The following ALG13 variants were observed in gnomAD, a reference collection of about 807,000 sequenced individuals.
The protein encoded by ALG13 is UDP-N-acetylglucosamine transferase subunit ALG13.
In ALG13, 11 loss-of-function variants were observed where a neutral mutation model predicts 87.8. That is an observed-to-expected ratio of 0.13 (90% CI 0.08 to 0.21). The LOEUF is 0.21. ALG13 is among the 10% of genes least tolerant of loss of function. The pLI is 1.00. For synonymous variants in ALG13, 320 were observed against 306.3 expected (o/e 1.04, Z -0.47); for missense variants, 756 against 866.1 (o/e 0.87, Z 1.60).
chrX:111,758,031 A>T (rs1156482306), intron 26 of ALG13, among the ~76,000 whole-genome samples: 1 of 111,371 alleles, frequency 9.0e-6, no homozygotes, highest in East Asian at 2.8e-4. Flanking sequence ...AAAACTGCTG[A>T]CACCTAAGCA....
chrX:111,729,818 A>G (rs751371098), intron 19 of ALG13, among the ~76,000 whole-genome samples: 56 of 112,212 alleles, frequency 5.0e-4, no homozygotes, highest in Non-Finnish European at 9.6e-4. Flanking sequence ...AAACAGATTG[A>G]AAAACAGATG....
chrX:111,694,253 G>A (rs1442059312), intron 3 of ALG13, among the ~76,000 whole-genome samples: 1 of 109,915 alleles, frequency 9.1e-6, no homozygotes, highest in Non-Finnish European at 1.9e-5. Context: ...CACCATGTTA[G>A]CCAGGATGGT....
At chrX:111,730,635 G>A (rs1319504773) in intron 21 of ALG13, 55 bp downstream of exon 21, 1 of 906,073 alleles carries the variant, frequency 1.1e-6, no homozygotes. Flanking sequence ...CTAGGGCACT[G>A]TTAAGAGCTA....
intron 19 of ALG13, 40 bp from the exon 20 acceptor site, chrX:111,730,355 T>C: frequency 8.4e-7 from 1 of 1,184,285 alleles, no homozygotes. Context: ...TAAAAAGACC[T>C]ATATAAACAC....
chrX:111,701,028 A>G (rs894440465), intron 3 of ALG13, among the ~76,000 whole-genome samples: 1 of 111,158 alleles, frequency 9.0e-6, no homozygotes, highest in Admixed American at 9.6e-5. Flanking sequence ...TGATTTGTGT[A>G]TATTGAACCT....
intron 19 of ALG13, among the ~76,000 whole-genome samples, chrX:111,728,705 T>G (rs1006851342): frequency 9.0e-6 from 1 of 111,007 alleles, no homozygotes; most frequent in African/African-American, 3.3e-5. Flanking sequence ...AAGTAACTAT[T>G]CGATAGTTAC....
At chrX:111,746,892 G>A (rs754677028) in intron 24 of ALG13, among the ~76,000 whole-genome samples, 1 of 111,488 alleles carries the variant, frequency 9.0e-6, no homozygotes, top group Admixed American at 9.6e-5. Flanking sequence ...TGATCATGTT[G>A]TAAAAAAATC....
rs770400535 is a variant in ALG13, at chrX:111,712,472, A to G, written c.886-12A>G. 33 of 1,145,687 alleles carry G rather than the reference A, an allele frequency of 2.9e-5. No individual in the cohort carries two copies. The highest frequency in any genetic ancestry group is 3.9e-5 in the Non-Finnish European group (33 of 851,792). 94.4% of individuals were successfully genotyped at this position (1,145,687 alleles called of 1,213,427 possible). ...AATGTTTTTTAAAACTCAATACACT[A>G]TTTATGTTTAGGAAAGTGCTGGCCA... On this transcript the variant is annotated splice_polypyrimidine_tract_variant and intron_variant, in intron 6 of 26. Transcript: ENST00000394780.
chrX:111,718,381 C>A, intron 10 of ALG13, 107 bp downstream of exon 10: 1 of 608,164 alleles, frequency 1.6e-6, no homozygotes, highest in Non-Finnish European at 2.5e-6. Flanking sequence ...GTTACATATT[C>A]ACACGTACAC....
intron 13 of ALG13, 111 bp from the exon 14 acceptor site, chrX:111,723,687 C>T (rs1941666650): frequency 8.5e-6 from 4 of 471,850 alleles, no homozygotes; most frequent in Non-Finnish European, 7.3e-6. Context: ...AGTGTTGATA[C>T]GAATTACTTT....
At chrX:111,736,188 A>G (rs919761308) in intron 22 of ALG13, among the ~76,000 whole-genome samples, 11 of 111,167 alleles carry the variant, frequency 9.9e-5, no homozygotes, top group Non-Finnish European at 1.3e-4. Context: ...CTGTAGTCCT[A>G]AGCTACTCAG....
chrX:111,712,943 G>T (rs1409658700), intron 7 of ALG13, among the ~76,000 whole-genome samples: 1 of 110,614 alleles, frequency 9.0e-6, no homozygotes, highest in Non-Finnish European at 1.9e-5. Context: ...CCAACTCACA[G>T]ACATACATAC....
chrX:111,686,106 T>C, intron 3 of ALG13: 2 of 1,020,640 alleles, frequency 2.0e-6, no homozygotes, highest in Non-Finnish European at 1.3e-6. Flanking sequence ...AATAGAAGGA[T>C]GAAGAAAATT....
chrX:111,685,340 A>T (rs888725238), intron 3 of ALG13: 3 of 323,504 alleles, frequency 9.3e-6, no homozygotes, highest in Non-Finnish European at 1.6e-5. Flanking sequence ...TATCTGAGAG[A>T]GTGTGTGTAT....
intron 3 of ALG13, among the ~76,000 whole-genome samples, chrX:111,693,911 A>G (rs912953805): frequency 9.0e-6 from 1 of 111,715 alleles, no homozygotes; most frequent in African/African-American, 3.2e-5. Flanking sequence ...GGCGAACTTC[A>G]GTAACTTCAT....
chrX:111,726,758 C>T, intron 15 of ALG13, 51 bp from the exon 16 acceptor site: 1 of 1,199,278 alleles, frequency 8.3e-7, no homozygotes, highest in Non-Finnish European at 1.1e-6. Context: ...TACACTGGGC[C>T]TTTTGCTTTG....
chrX:111,719,250 C>T (rs1941087830), intron 10 of ALG13, among the ~76,000 whole-genome samples: 1 of 110,446 alleles, frequency 9.1e-6, no homozygotes, highest in Admixed American at 9.7e-5. Context: ...TGATCTTGGT[C>T]TCCTGACCTC....
chrX:111,731,439 C>G (rs1211216969), intron 21 of ALG13, among the ~76,000 whole-genome samples: 1 of 111,936 alleles, frequency 8.9e-6, no homozygotes, highest in Non-Finnish European at 1.9e-5. Context: ...TTGTAAGGGC[C>G]CCCAACATAC....
chrX:111,683,575 G>T (rs971793245), intron 2 of ALG13, among the ~76,000 whole-genome samples: 1 of 108,944 alleles, frequency 9.2e-6, no homozygotes, highest in Non-Finnish European at 1.9e-5. Context: ...CTGAGCTCAG[G>T]CAATCCACCT....
Sources: gnomAD v4.1 joint callset for allele counts (sites outside exome capture counted in the v4.1 genomes callset) on GRCh38, gnomAD v4.1.1 for gene constraint, MANE v1.5 for transcripts, NCBI Gene and HGNC (gene_info 2026-07-23, HGNC 2026-07-21) for gene names.